The following IGSF10 variants were observed in gnomAD, a reference collection of about 807,000 sequenced individuals.
IGSF10 encodes calvaria mechanical force protein 608.
In IGSF10, 126 loss-of-function variants were observed where a neutral mutation model predicts 128.2. The observed-to-expected ratio is 0.98, with a 90% CI of 0.85 to 1.14. The LOEUF is 1.14. IGSF10 is among the 50% of genes most tolerant of loss of function. The pLI is 0.00. For synonymous variants in IGSF10, 1,185 were observed against 1,146.2 expected (o/e 1.03, Z -0.68); for missense variants, 3,295 against 3,149.8 (o/e 1.05, Z -1.10).
the IGSF10 span, among the ~76,000 whole-genome samples, chr3:151,494,698 A>G: frequency 6.6e-6 from 1 of 152,120 alleles, no homozygotes; most frequent in Non-Finnish European, 1.5e-5. Context: ...TTTACCTTTT[A>G]TTCATAGATT....
the IGSF10 span, among the ~76,000 whole-genome samples, chr3:151,590,573 G>C: frequency 6.6e-6 from 1 of 152,218 alleles, no homozygotes; most frequent in African/African-American, 2.4e-5. Context: ...AGATGACATG[G>C]AGTAAGATAA....
At chr3:151,579,719 T>A in the IGSF10 span, among the ~76,000 whole-genome samples, 1 of 151,794 alleles carries the variant, frequency 6.6e-6, no homozygotes, top group African/African-American at 2.4e-5. Context: ...CAAATAAATA[T>A]TTGAAAAGAT....
the IGSF10 span, among the ~76,000 whole-genome samples, chr3:151,556,342 T>C: frequency 6.6e-6 from 1 of 152,198 alleles, no homozygotes; most frequent in East Asian, 1.9e-4. Flanking sequence ...TAACTTTCTT[T>C]GTGGAAAACT....
the IGSF10 span, among the ~76,000 whole-genome samples, chr3:151,507,930 G>A: frequency 2.0e-4 from 1 of 5,126 alleles, no homozygotes; most frequent in South Asian, 5.1e-3. Context: ...TTGAAGGTCT[G>A]TCAATAAATT....
At chr3:151,608,316 TG>T in the IGSF10 span, among the ~76,000 whole-genome samples, 1 of 152,184 alleles carries the variant, frequency 6.6e-6, no homozygotes, top group Non-Finnish European at 1.5e-5. Flanking sequence ...TTAATCTCAA[TG>T]TGTCAGCAAA....
At chr3:151,466,553 C>T in the IGSF10 span, among the ~76,000 whole-genome samples, 10 of 151,986 alleles carry the variant, frequency 6.6e-5, no homozygotes, top group African/African-American at 2.4e-4. Context: ...AAATTATGGG[C>T]CCAGCACGTG....
chr3:151,447,039 G>A lies in IGSF10; in HGVS notation c.2942C>T (p.Thr981Met), dbSNP rs78090556. The A allele has an allele frequency of 4.0e-4, 639 of 1,613,902 alleles. 2 individuals carry two copies. In the African/African-American group the frequency reaches 4.0e-3, roughly 10 times the overall value. ...SHTTQILSTSTFPSDPHTAAH... is the reference protein window; with the variant it reads ...SHTTQILSTSMFPSDPHTAAH... The stretch of plus-strand genomic sequence containing the variant: ...AGCTGTGTGTGGATCTGAAGGGAAC[G>A]TGGAGGTGCTAAGTATTTGAGTAGT... The change falls in exon 6 of 8, where the codon ACG becomes ATG. Residue 981 changes from threonine (T) to methionine (M), a missense_variant. Coordinates refer to ENST00000282466, the MANE Select transcript of IGSF10 (RefSeq NM_178822.5).
chr3:151,589,204 G>C, the IGSF10 span, among the ~76,000 whole-genome samples: 1 of 152,270 alleles, frequency 6.6e-6, no homozygotes, highest in East Asian at 1.9e-4. Context: ...TAGCTTGTTA[G>C]CTTGTTGTCC....
At chr3:151,579,580 A>C in the IGSF10 span, among the ~76,000 whole-genome samples, 1 of 151,998 alleles carries the variant, frequency 6.6e-6, no homozygotes, top group Admixed American at 6.6e-5. Flanking sequence ...AATCAAAAGA[A>C]ATGATTCAAA....
the IGSF10 span, among the ~76,000 whole-genome samples, chr3:151,609,974 C>T: frequency 6.6e-6 from 1 of 151,990 alleles, no homozygotes; most frequent in Admixed American, 6.6e-5. Context: ...TACATGTACC[C>T]CCTTGAATCT....
the IGSF10 span, among the ~76,000 whole-genome samples, chr3:151,575,434 G>A: frequency 6.6e-6 from 1 of 152,298 alleles, no homozygotes; most frequent in East Asian, 1.9e-4. Flanking sequence ...AGCAATGGTG[G>A]ATGCCCCTCC....
chr3:151,580,690 T>TC, the IGSF10 span, among the ~76,000 whole-genome samples: 7 of 152,168 alleles, frequency 4.6e-5, no homozygotes, highest in Admixed American at 3.3e-4. Context: ...AAAAAATCTG[T>TC]CTATAAGGGA....
chr3:151,449,239 T>C lies in IGSF10; in HGVS notation c.742A>G (p.Ser248Gly). Reference protein sequence around the residue: ...PDVIKCKKDRSPSSAQQCPLC... With the variant: ...PDVIKCKKDRGPSSAQQCPLC... ...GGACACTGCTGAGCACTAGAGGGAC[T>C]TCTATCTTTTTTGCATTTTATTACA... Residue 248 changes from serine to glycine, a missense_variant, in exon 6 of 8, where the codon AGT becomes GGT. Physicochemically the swap from Ser to Gly is moderately conservative, Grantham distance 56. Transcript: ENST00000282466. 6.3e-7 allele frequency: 1 copy of C among 1,580,020 alleles called. No individual in the cohort carries two copies. The highest frequency in any genetic ancestry group is 1.2e-5 in the South Asian group (1 of 85,806).
chr3:151,522,467 C>T, the IGSF10 span, among the ~76,000 whole-genome samples: 38 of 152,132 alleles, frequency 2.5e-4, no homozygotes, highest in Admixed American at 5.2e-4. Flanking sequence ...AAACATCTAG[C>T]AGCTCATCAG....
chr3:151,437,560 A>T lies in IGSF10; in HGVS notation c.7001T>A (p.Leu2334Gln), dbSNP rs1446954574. The T allele has an allele frequency of 6.2e-7, 1 of 1,614,076 alleles. No homozygotes were observed. Among genetic ancestry groups the T allele is most frequent in the Non-Finnish European group, 8.5e-7 (1 of 1,180,048 alleles). The part of the protein sequence containing the change: ...LVVQLEVLEM[L>Q]RRPTFRNPFN... ...TGGATTTCTAAATGTCGGTCTTCTCAGCATTTCCAGTACTTCTAACTGTAC... is the reference window on the plus strand; with the variant it reads ...TGGATTTCTAAATGTCGGTCTTCTCTGCATTTCCAGTACTTCTAACTGTAC... Residue 2334 changes from leucine (L) to glutamine (Q), a missense_variant, in exon 8 of 8, where the codon CTG becomes CAG. Leu to Gln is a moderately radical substitution (Grantham distance 113). Transcript: ENST00000282466.
intron 2 of IGSF10, 145 bp from the exon 3 acceptor site, chr3:151,458,855 C>A: frequency 3.2e-6 from 2 of 623,026 alleles, no homozygotes; most frequent in Admixed American, 6.3e-5. Context: ...GTCATATGCA[C>A]TCTTTACAAA....
chr3:151,531,293 A>C, the IGSF10 span, among the ~76,000 whole-genome samples: 244 of 152,300 alleles, frequency 1.6e-3, no homozygotes, highest in African/African-American at 5.8e-3. Flanking sequence ...GAAAGTTAAC[A>C]AGGATATCCA....
At chr3:151,543,626 G>A in the IGSF10 span, among the ~76,000 whole-genome samples, 13 of 152,152 alleles carry the variant, frequency 8.5e-5, no homozygotes, top group Non-Finnish European at 1.6e-4. Context: ...CAGTCGAGCT[G>A]AGCCAAGCCC....
the IGSF10 span, among the ~76,000 whole-genome samples, chr3:151,517,076 T>C: frequency 6.6e-6 from 1 of 152,046 alleles, no homozygotes; most frequent in Admixed American, 6.6e-5. Context: ...AATGAGGCAA[T>C]GATTAGAAAT....
Sources: gnomAD v4.1 joint callset for allele counts (sites outside exome capture counted in the v4.1 genomes callset) on GRCh38, gnomAD v4.1.1 for gene constraint, MANE v1.5 for transcripts, NCBI Gene and HGNC (gene_info 2026-07-23, HGNC 2026-07-21) for gene names.